OSBPL10: variants seen among roughly 807,000 people sequenced by gnomAD.
OSBPL10 encodes the protein oxysterol binding protein like 10, also known as oxysterol-binding protein-related protein 10.
A neutral mutation model predicts 81.7 loss-of-function variants in OSBPL10; 49 were observed. The observed-to-expected ratio is 0.60, with a 90% CI of 0.48 to 0.76. The LOEUF is 0.76. OSBPL10 is among the 30% of genes least tolerant of loss of function. OSBPL10 has a pLI of 0.00. For synonymous variants in OSBPL10, 419 were observed against 383.6 expected, an observed-to-expected ratio of 1.09 and a Z score of -1.08; for missense variants, 923 against 987.8, an observed-to-expected ratio of 0.93 and a Z score of 0.88.
intron 3 of OSBPL10, among the ~76,000 whole-genome samples, chr3:31,839,618 G>A (rs1700444257): frequency 6.6e-6 from 1 of 152,106 alleles, no homozygotes; most frequent in South Asian, 2.1e-4. Flanking sequence ...AAGTAAAGGA[G>A]TGAGCCAGGC....
At chr3:31,783,111 T>TTTTATATATATATATATATATA (rs1048319563) in intron 4 of OSBPL10, among the ~76,000 whole-genome samples, 6 of 121,644 alleles carry the variant, frequency 4.9e-5, no homozygotes, top group African/African-American at 1.5e-4. Context: ...AATATATCTA[T>TTTTATATATATATATATATATA]TATATATATA....
At chr3:31,772,908 C>T (rs1698422604) in intron 4 of OSBPL10, among the ~76,000 whole-genome samples, 1 of 152,060 alleles carries the variant, frequency 6.6e-6, no homozygotes, top group Admixed American at 6.6e-5. Context: ...GTAAATGTAA[C>T]ACTTTTCATG....
Position 31,830,077 on chromosome 3 carries a change from T to G in OSBPL10, c.692A>C (p.Lys231Thr). The change falls in exon 4 of 12, where the codon AAG (lysine) becomes ACG (threonine). Residue 231 changes from lysine to threonine, a missense_variant. Around this residue, in one of 3 missense-constraint regions of OSBPL10, gnomAD observed 514 missense variants for 508.0 expected, o/e 1.01. Transcript: ENST00000396556. ...HKSPAAARRA[K>T]SQYSGQLHEV... ...GTGAAGCTGGCCGGAATACTGACTCTTGGCTCTTCGGGCGGCTGCAGGCGA... is the reference window on the plus strand; with the variant it reads ...GTGAAGCTGGCCGGAATACTGACTCGTGGCTCTTCGGGCGGCTGCAGGCGA... 6.2e-7 allele frequency: 1 copy of G among 1,613,970 alleles called. No homozygotes were observed.
At position 31,951,189 on chromosome 3, in the gene OSBPL10, A is replaced by T. The variant is rs560906964; in HGVS notation, c.281+29710T>A. 6.8e-4 allele frequency among the ~76,000 whole-genome samples: 103 copies of T among 152,336 alleles called. 3 individuals are homozygous for T. In the South Asian group the frequency reaches 0.02, roughly 30 times the overall value. On this transcript the variant is annotated intron_variant, in intron 1 of 11. Coordinates refer to ENST00000396556, the MANE Select transcript of OSBPL10 (RefSeq NM_017784.5). ...GATAAAAAATTTGTGACATAGTCAC[A>T]CAAAGAATGTTATACAGCATTGAAA...
chr3:31,882,337 G>C (rs1329025344), intron 1 of OSBPL10, among the ~76,000 whole-genome samples: 1 of 152,170 alleles, frequency 6.6e-6, no homozygotes, highest in Non-Finnish European at 1.5e-5. Flanking sequence ...GAACAGCGTG[G>C]ATAAACGAAG....
chr3:31,794,270 G>A (rs1268969784), intron 4 of OSBPL10, among the ~76,000 whole-genome samples: 8 of 152,222 alleles, frequency 5.3e-5, no homozygotes, highest in African/African-American at 1.4e-4. Context: ...TCAGCTTCCC[G>A]AGCAGCTGGG....
chr3:31,683,872 G>A lies in OSBPL10; in HGVS notation c.1488C>T (p.Asp496=), dbSNP rs778744656. ...TFHCSWEVPK[D]RVKPKRTASR... Reference sequence around the variant, plus strand: ...AAGCAGTCCTCTTAGGCTTGACCCTGTCCTTGGGAACTTCCCAGGAGCAGT... The same window carrying A: ...AAGCAGTCCTCTTAGGCTTGACCCTATCCTTGGGAACTTCCCAGGAGCAGT... Residue 496 remains aspartate (D), a synonymous_variant, in exon 8 of 12, where the codon GAC becomes GAT. Coordinates refer to ENST00000396556, the MANE Select transcript of OSBPL10 (RefSeq NM_017784.5). The A allele has an allele frequency of 1.0e-4, 165 of 1,614,118 alleles. No homozygotes were observed. Among genetic ancestry groups the A allele is most frequent in the Non-Finnish European group, 1.3e-4 (154 of 1,180,060 alleles).
chr3:31,984,268 G>A (rs1047833824), upstream of OSBPL10, among the ~76,000 whole-genome samples: 10 of 151,780 alleles, frequency 6.6e-5, no homozygotes, highest in African/African-American at 1.9e-4. Context: ...TCTCGATCTC[G>A]TGACCTCGTG....
At chr3:31,793,337 C>A (rs1699082046) in intron 4 of OSBPL10, among the ~76,000 whole-genome samples, 1 of 152,190 alleles carries the variant, frequency 6.6e-6, no homozygotes, top group South Asian at 2.1e-4. Flanking sequence ...TTCAGGACCA[C>A]AATCAAGCAC....
intron 1 of OSBPL10, among the ~76,000 whole-genome samples, chr3:32,051,781 G>GTCTGCGTATT (rs1232433129): frequency 6.6e-6 from 1 of 152,124 alleles, no homozygotes; most frequent in Non-Finnish European, 1.5e-5. Flanking sequence ...CTTCTTGTCT[G>GTCTGCGTATT]TCTGCGTATT....
At chr3:31,759,870 G>C (rs4955196) in intron 4 of OSBPL10, among the ~76,000 whole-genome samples, 1 of 151,786 alleles carries the variant, frequency 6.6e-6, no homozygotes, top group Admixed American at 6.6e-5. Context: ...AGTAATTCTC[G>C]TGCCTCAGCC....
intron 4 of OSBPL10, among the ~76,000 whole-genome samples, chr3:31,783,828 ATAT>A (rs1698786552): frequency 1.8e-5 from 1 of 54,234 alleles, no homozygotes; most frequent in Non-Finnish European, 3.4e-5. Context: ...AAAAAAATAT[ATAT>A]ATATATATAT....
intron 4 of OSBPL10, among the ~76,000 whole-genome samples, chr3:31,780,074 T>C (rs7620146): frequency 0.98 from 149,931 of 152,294 alleles, 73,812 homozygotes; most frequent in Middle Eastern, 1. Flanking sequence ...AGGTGGATCA[T>C]GAGGTCAGGC....
chr3:31,916,629 A>T (rs907925524), intron 1 of OSBPL10, among the ~76,000 whole-genome samples: 2 of 152,236 alleles, frequency 1.3e-5, no homozygotes, highest in Non-Finnish European at 2.9e-5. Context: ...TCAATACAGT[A>T]AAAATGTAAA....
At chr3:32,023,221 C>T (rs1319132470) in intron 2 of OSBPL10, among the ~76,000 whole-genome samples, 1 of 152,046 alleles carries the variant, frequency 6.6e-6, no homozygotes, top group South Asian at 2.1e-4. Flanking sequence ...CTGGGAGGGA[C>T]CCAATGGGAG....
chr3:31,717,426 C>T (rs1696479334), intron 6 of OSBPL10, among the ~76,000 whole-genome samples: 1 of 152,172 alleles, frequency 6.6e-6, no homozygotes, highest in African/African-American at 2.4e-5. Flanking sequence ...TACGCCTATT[C>T]CGTCCTGATT....
intron 3 of OSBPL10, among the ~76,000 whole-genome samples, chr3:31,860,596 T>TA (rs988384548): frequency 6.6e-6 from 1 of 152,184 alleles, no homozygotes; most frequent in Non-Finnish European, 1.5e-5. Flanking sequence ...CCCACCACAT[T>TA]AAAAAAGTTC....
At chr3:31,696,667 C>A (rs2125580208) in intron 7 of OSBPL10, among the ~76,000 whole-genome samples, 1 of 152,360 alleles carries the variant, frequency 6.6e-6, no homozygotes, top group East Asian at 1.9e-4. Flanking sequence ...TTGCTAGATT[C>A]TTCCCATCTC....
chr3:31,807,772 C>T (rs1699560025), intron 4 of OSBPL10, among the ~76,000 whole-genome samples: 1 of 151,990 alleles, frequency 6.6e-6, no homozygotes. Flanking sequence ...AAGGTAAGAT[C>T]ATGGTGTTAT....
Sources: gnomAD v4.1 joint callset for allele counts (sites outside exome capture counted in the v4.1 genomes callset) on GRCh38, gnomAD v4.1.1 for gene constraint, gnomAD v4.1.1 regional missense constraint, MANE v1.5 for transcripts, NCBI Gene and HGNC (gene_info 2026-07-23, HGNC 2026-07-21) for gene names.